Variants in SCP2 observed in about 807,000 individuals in gnomAD.
SCP2 encodes sterol carrier protein 2.
SCP2 carries 48 observed loss-of-function variants against 71.4 expected under a neutral mutation model. That is an observed-to-expected ratio of 0.67 (90% CI 0.53 to 0.86). The LOEUF is 0.86. SCP2 is among the 40% of genes least tolerant of loss of function. The pLI is 0.00. For synonymous variants in SCP2, 220 were observed against 218.1 expected (o/e 1.01, Z -0.08); for missense variants, 560 against 655.6 (o/e 0.85, Z 1.59).
intron 11 of SCP2, among the ~76,000 whole-genome samples, chr1:53,003,505 C>G (rs1446006797): frequency 1.3e-5 from 2 of 152,078 alleles, no homozygotes; most frequent in Non-Finnish European, 2.9e-5. Flanking sequence ...TAGGCATGAG[C>G]CATCATGCCT....
At position 52,971,036 on chromosome 1, in the gene SCP2, C is replaced by A. The variant is rs148811212; in HGVS notation, c.524-3733C>A. ...TGTTGCCCAGGCTGGAGTGCAGTGG[C>A]GCAATCTCAGCTCACTGCAAGCTCT... On this transcript the variant is annotated intron_variant, in intron 6 of 15. Coordinates refer to ENST00000371514, the MANE Select transcript of SCP2 (RefSeq NM_002979.5). Among the ~76,000 whole-genome samples the A allele has an allele frequency of 2.3e-5, 3 of 130,888 alleles. No individual in the cohort carries two copies. The Admixed American group carries it at 2.7e-4, about 12-fold the overall frequency. The allele number at this position is 130,888 out of a possible 152,430, so 85.9% of individuals were successfully genotyped here.
At chr1:52,951,005 G>T (rs1280964880) in intron 4 of SCP2, 119 bp downstream of exon 4, 18 of 1,172,586 alleles carry the variant, frequency 1.5e-5, no homozygotes, top group Non-Finnish European at 2.1e-5. Context: ...ATCAGGCCGG[G>T]TGTGGTGGCT....
intron 6 of SCP2, among the ~76,000 whole-genome samples, chr1:52,970,987 T>C (rs1296401696): frequency 7.1e-6 from 1 of 140,328 alleles, no homozygotes; most frequent in Admixed American, 7.0e-5. Context: ...TTTTTTTTTT[T>C]TTTTTTGAGA....
intron 11 of SCP2, chr1:52,995,239 T>G (rs1196076706): frequency 2.0e-6 from 1 of 499,790 alleles, no homozygotes; most frequent in Non-Finnish European, 4.0e-6. Context: ...ACCCAAAGTG[T>G]CTGACACCGT....
intron 2 of SCP2, among the ~76,000 whole-genome samples, chr1:52,944,348 C>G (rs531354661): frequency 1.3e-5 from 2 of 152,074 alleles, no homozygotes; most frequent in Non-Finnish European, 2.9e-5. Context: ...CTCTTTCTAA[C>G]TATTCCTTCA....
intron 12 of SCP2, among the ~76,000 whole-genome samples, chr1:53,022,334 C>T (rs1378384902): frequency 6.6e-6 from 1 of 152,196 alleles, no homozygotes; most frequent in African/African-American, 2.4e-5. Context: ...TGAAGGTTCC[C>T]ATTTCTCCAC....
chr1:52,996,529 A>T (rs188498635), intron 11 of SCP2, among the ~76,000 whole-genome samples: 2 of 152,094 alleles, frequency 1.3e-5, no homozygotes, highest in Non-Finnish European at 2.9e-5. Flanking sequence ...TCTATTTTCC[A>T]TTTCTCAGCT....
At chr1:52,929,032 G>T (rs1652859044) in intron 1 of SCP2, among the ~76,000 whole-genome samples, 2 of 152,142 alleles carry the variant, frequency 1.3e-5, no homozygotes, top group African/African-American at 4.8e-5. Flanking sequence ...GGAGGTAGAG[G>T]TCGGGGAGGT....
chr1:52,959,401 G>C (rs1376319849), intron 5 of SCP2, among the ~76,000 whole-genome samples: 1 of 151,668 alleles, frequency 6.6e-6, no homozygotes, highest in Non-Finnish European at 1.5e-5. Context: ...CTCCATGTTG[G>C]TCAGGCTGGT....
At chr1:52,943,224 T>C (rs1302768970) in intron 2 of SCP2, among the ~76,000 whole-genome samples, 1 of 150,812 alleles carries the variant, frequency 6.6e-6, no homozygotes, top group African/African-American at 2.5e-5. Flanking sequence ...ACATGGTGGG[T>C]TCTTTTTTTT....
At chr1:52,979,896 C>A (rs543712534) in intron 9 of SCP2, among the ~76,000 whole-genome samples, 2 of 151,514 alleles carry the variant, frequency 1.3e-5, no homozygotes, top group South Asian at 2.1e-4. Context: ...CCTTCCCTCC[C>A]TCCCTCCCTT....
intron 5 of SCP2, among the ~76,000 whole-genome samples, chr1:52,960,280 T>C (rs1450930446): frequency 2.0e-5 from 3 of 152,044 alleles, no homozygotes; most frequent in African/African-American, 7.2e-5. Context: ...ATTCTTGATG[T>C]TTCCTTTCTT....
At chr1:52,984,306 C>T (rs892810030) in intron 10 of SCP2, among the ~76,000 whole-genome samples, 1 of 152,174 alleles carries the variant, frequency 6.6e-6, no homozygotes, top group Non-Finnish European at 1.5e-5. Context: ...CAACCAGGAC[C>T]TCACCCTTAT....
chr1:52,973,872 G>A (rs1045126638), intron 6 of SCP2, among the ~76,000 whole-genome samples: 1 of 152,070 alleles, frequency 6.6e-6, no homozygotes, highest in Non-Finnish European at 1.5e-5. Flanking sequence ...AAAATGCTGG[G>A]GTTACAGGCA....
rs775353158 is a variant in SCP2, at chr1:52,988,034, G to A, written c.979G>A (p.Gly327Ser). ...EALGLCPEGQ[G>S]ATLVDRGDNT... is the part of the protein sequence containing the mutation. Reference sequence around the variant, plus strand: ...TACTATTTTTTCTTCTATAGGACAAGGTGCAACGCTGGTTGATAGAGGAGA... The same window carrying A: ...TACTATTTTTTCTTCTATAGGACAAAGTGCAACGCTGGTTGATAGAGGAGA... Residue 327 changes from glycine to serine, a missense_variant, in exon 11 of 16, where the codon GGT becomes AGT. Transcript: ENST00000371514. 7.9e-6 allele frequency: 12 copies of A among 1,528,390 alleles called. No individual in the cohort carries two copies. In the Admixed American group the frequency reaches 1.7e-4, roughly 21 times the overall value. The allele number at this position is 1,528,390 out of a possible 1,614,324, so 94.7% of individuals were successfully genotyped here.
intron 1 of SCP2, among the ~76,000 whole-genome samples, chr1:52,939,415 G>A (rs1654011599): frequency 6.6e-6 from 1 of 151,880 alleles, no homozygotes; most frequent in African/African-American, 2.4e-5. Context: ...GCATGATTAT[G>A]AGCACCTGTG....
intron 11 of SCP2, among the ~76,000 whole-genome samples, chr1:53,008,905 T>G (rs1193800760): frequency 6.6e-6 from 1 of 152,208 alleles, no homozygotes; most frequent in Non-Finnish European, 1.5e-5. Flanking sequence ...CAAAATCTCC[T>G]TAAGCTGATA....
intron 1 of SCP2, among the ~76,000 whole-genome samples, chr1:52,936,944 GA>G (rs903166016): frequency 2.7e-5 from 4 of 149,268 alleles, no homozygotes; most frequent in African/African-American, 7.4e-5. Context: ...TTTAACTCTA[GA>G]AAAAAAAATC....
At chr1:52,975,521 G>A (rs778285417) in intron 7 of SCP2, among the ~76,000 whole-genome samples, 2 of 151,936 alleles carry the variant, frequency 1.3e-5, no homozygotes, top group Non-Finnish European at 2.9e-5. Flanking sequence ...TGGCCAGGCT[G>A]GTCTTGAACT....
Sources: gnomAD v4.1 joint callset for allele counts (sites outside exome capture counted in the v4.1 genomes callset) on GRCh38, gnomAD v4.1.1 for gene constraint, MANE v1.5 for transcripts, NCBI Gene and HGNC (gene_info 2026-07-23, HGNC 2026-07-21) for gene names.